The following CNBD1 variants were observed in gnomAD, a reference collection of about 807,000 sequenced individuals.
CNBD1 encodes the protein cyclic nucleotide binding domain containing 1.
Under a neutral mutation model 54.4 loss-of-function variants are expected in CNBD1, and 71 were observed. The observed-to-expected ratio is 1.30, with a 90% CI of 1.08 to 1.59. The LOEUF (loss-of-function observed/expected upper bound fraction) is 1.59. CNBD1 is among the 40% of genes most tolerant of loss of function. CNBD1 has a pLI of 0.00. For missense variants in CNBD1, 659 were observed against 518.0 expected, an observed-to-expected ratio of 1.27 and a Z score of -2.64; for synonymous variants, 182 against 170.7, an observed-to-expected ratio of 1.07 and a Z score of -0.51.
intron 4 of CNBD1, among the ~76,000 whole-genome samples, chr8:86,976,893 C>G (rs1268174123): frequency 6.6e-6 from 1 of 152,002 alleles, no homozygotes; most frequent in Non-Finnish European, 1.5e-5. Flanking sequence ...TACTAATTTA[C>G]TAAGTTTGCT....
chr8:87,095,639 T>C (rs1368438946), intron 4 of CNBD1, among the ~76,000 whole-genome samples: 1 of 152,202 alleles, frequency 6.6e-6, no homozygotes, highest in Non-Finnish European at 1.5e-5. Flanking sequence ...AGCATCTGAA[T>C]GACCATATAT....
chr8:87,379,487 C>T (rs191363575), intron 10 of CNBD1, among the ~76,000 whole-genome samples: 2,662 of 151,598 alleles, frequency 0.018, 87 homozygotes, highest in African/African-American at 0.059. Context: ...GGAAGTAAAG[C>T]TCTCCCCAGC....
chr8:86,911,678 C>T (rs527723341), intron 3 of CNBD1, among the ~76,000 whole-genome samples: 2 of 152,128 alleles, frequency 1.3e-5, no homozygotes, highest in East Asian at 1.9e-4. Flanking sequence ...TGATATTATC[C>T]TTGTTCATAA....
At chr8:87,156,268 C>CATATATAT (rs1812731890) in intron 4 of CNBD1, among the ~76,000 whole-genome samples, 1 of 41,464 alleles carries the variant, frequency 2.4e-5, no homozygotes, top group African/African-American at 1.7e-4. Flanking sequence ...TACACACACA[C>CATATATAT]ATATGTCACT....
intron 4 of CNBD1, among the ~76,000 whole-genome samples, chr8:87,090,693 T>A (rs1194272494): frequency 1.3e-5 from 2 of 152,230 alleles, no homozygotes; most frequent in Non-Finnish European, 2.9e-5. Context: ...CTTTAGAAAT[T>A]TTCTTCTAAA....
chr8:86,874,084 T>C (rs868211063), intron 1 of CNBD1, among the ~76,000 whole-genome samples: 26 of 152,230 alleles, frequency 1.7e-4, no homozygotes, highest in Admixed American at 1.2e-3. Flanking sequence ...TTCTGGTCAA[T>C]GTGTCTGTTT....
intron 2 of CNBD1, among the ~76,000 whole-genome samples, chr8:87,416,387 C>G (rs907790547): frequency 6.6e-6 from 1 of 151,894 alleles, no homozygotes; most frequent in Non-Finnish European, 1.5e-5. Flanking sequence ...AGCATTTATT[C>G]AAGAAAAGTG....
intron 3 of CNBD1, among the ~76,000 whole-genome samples, chr8:86,908,885 C>T: frequency 6.8e-6 from 1 of 148,064 alleles, no homozygotes; most frequent in East Asian, 2.0e-4. Flanking sequence ...CCAGCCTCAG[C>T]CTCCTGGGAC....
chr8:87,383,366 C>A (rs1484659892), downstream of CNBD1, among the ~76,000 whole-genome samples: 3 of 151,986 alleles, frequency 2.0e-5, no homozygotes, highest in East Asian at 5.8e-4. Context: ...GGGGGAAAAC[C>A]GTACGTTTAT....
At chr8:87,058,126 C>T (rs1810461856) in intron 4 of CNBD1, among the ~76,000 whole-genome samples, 1 of 152,144 alleles carries the variant, frequency 6.6e-6, no homozygotes, top group African/African-American at 2.4e-5. Context: ...AGTCCAGAAT[C>T]CAAATAGCAG....
chr8:87,164,988 A>T (rs1072000), intron 4 of CNBD1, among the ~76,000 whole-genome samples: 120,007 of 151,652 alleles, frequency 0.79, 48,603 homozygotes, highest in African/African-American at 0.95. Flanking sequence ...CATTTTCATA[A>T]GTCACAAGAT....
At chr8:87,351,226 A>C (rs1312861155) in intron 8 of CNBD1, among the ~76,000 whole-genome samples, 1 of 152,232 alleles carries the variant, frequency 6.6e-6, no homozygotes, top group Non-Finnish European at 1.5e-5. Context: ...TTTAACTGCT[A>C]CTATAATCAG....
intron 4 of CNBD1, among the ~76,000 whole-genome samples, chr8:87,136,998 T>C (rs1812257254): frequency 9.1e-6 from 1 of 109,352 alleles, no homozygotes; most frequent in Non-Finnish European, 1.7e-5. Flanking sequence ...AAATTATATA[T>C]ATTTATATTC....
intron 8 of CNBD1, among the ~76,000 whole-genome samples, chr8:87,310,180 C>T (rs185053360): frequency 3.5e-4 from 53 of 152,038 alleles, no homozygotes; most frequent in African/African-American, 1.3e-3. Context: ...CATAGTGAGA[C>T]TCCATCTCTA....
At chr8:87,404,684 T>C (rs1356774335) in intron 2 of CNBD1, among the ~76,000 whole-genome samples, 2 of 152,204 alleles carry the variant, frequency 1.3e-5, no homozygotes, top group East Asian at 3.9e-4. Flanking sequence ...TAAATTTGGG[T>C]TTAGCTGCTT....
chr8:87,080,410 C>T lies in CNBD1; in HGVS notation c.432-125583C>T, dbSNP rs149546681. Among the ~76,000 whole-genome samples the T allele has an allele frequency of 5.9e-5, 9 of 152,012 alleles. No homozygotes were observed. In the East Asian group the frequency reaches 9.7e-4, roughly 16 times the overall value. ...CAGCTTGGCTAACATGGTGAAACCCCGTCTCTACTAATAACGCAAAAATTA... is the reference window on the plus strand; with the variant it reads ...CAGCTTGGCTAACATGGTGAAACCCTGTCTCTACTAATAACGCAAAAATTA... On this transcript the variant is annotated intron_variant, in intron 4 of 10. Coordinates refer to ENST00000518476, the MANE Select transcript of CNBD1 (RefSeq NM_173538.3).
chr8:87,174,252 C>T (rs1813153163), intron 4 of CNBD1, among the ~76,000 whole-genome samples: 1 of 152,114 alleles, frequency 6.6e-6, no homozygotes, highest in South Asian at 2.1e-4. Context: ...GCCACCACGC[C>T]TGGCCTCTTT....
At position 87,092,469 on chromosome 8, in the gene CNBD1, G is replaced by GTATA. The variant is rs1199495623; in HGVS notation, c.432-113517_432-113514dup. Among the ~76,000 whole-genome samples the GTATA allele has an allele frequency of 9.9e-4, 144 of 144,862 alleles. 2 individuals carry two copies. The highest frequency in any genetic ancestry group is 3.7e-3 in the African/African-American group (141 of 38,560). On this transcript the variant is annotated intron_variant, in intron 4 of 10. Transcript: ENST00000518476. The stretch of plus-strand genomic sequence containing the variant: ...TATATATACACATATGTGTGTGTGT[G>GTATA]TATATATATACACATATGTGTGTGT...
At chr8:87,218,199 T>C (rs116733220) in intron 5 of CNBD1, among the ~76,000 whole-genome samples, 3,644 of 152,128 alleles carry the variant, frequency 0.024, 127 homozygotes, top group African/African-American at 0.074. Context: ...TGAAACATAA[T>C]TTAATCTGCA....
Sources: allele counts gnomAD v4.1 joint callset (sites outside exome capture counted in the v4.1 genomes callset), GRCh38; gene constraint gnomAD v4.1.1; transcripts MANE v1.5; gene names NCBI Gene and HGNC (gene_info 2026-07-23, HGNC 2026-07-21).